EPHB1: variants seen among roughly 807,000 people sequenced by gnomAD.
EPHB1 encodes EPH receptor B1.
Under a neutral mutation model 94.4 loss-of-function variants are expected in EPHB1, and 30 were observed. The observed-to-expected ratio is 0.32, with a 90% CI of 0.24 to 0.43. The LOEUF (loss-of-function observed/expected upper bound fraction) is 0.43. EPHB1 is among the 20% of genes least tolerant of loss of function. The pLI, the probability that EPHB1 is intolerant of heterozygous loss-of-function variation, is 1.00. For missense variants in EPHB1, 1,055 were observed against 1,308.3 expected (o/e 0.81, Z 2.99); for synonymous variants, 522 against 489.1 (o/e 1.07, Z -0.89).
At chr3:135,125,819 T>TC (rs1253682226) in intron 4 of EPHB1, among the ~76,000 whole-genome samples, 1 of 152,136 alleles carries the variant, frequency 6.6e-6, no homozygotes, top group African/African-American at 2.4e-5. Flanking sequence ...CTGACTTTTT[T>TC]CCCTGCATAT....
chr3:135,256,421 C>G (rs552733017), intron 15 of EPHB1, among the ~76,000 whole-genome samples: 1 of 152,144 alleles, frequency 6.6e-6, no homozygotes, highest in Non-Finnish European at 1.5e-5. Flanking sequence ...CTGGTGGTGA[C>G]AAAATCTCTC....
chr3:134,938,497 G>C (rs1381655270), intron 2 of EPHB1, among the ~76,000 whole-genome samples: 1 of 152,218 alleles, frequency 6.6e-6, no homozygotes, highest in African/African-American at 2.4e-5. Flanking sequence ...ATACCCAAGG[G>C]AGGGCCATGG....
At chr3:134,899,416 T>G (rs953501029) in intron 1 of EPHB1, among the ~76,000 whole-genome samples, 2 of 152,190 alleles carry the variant, frequency 1.3e-5, no homozygotes, top group African/African-American at 4.8e-5. Context: ...AGATCTTGCA[T>G]GCTTCAGTGC....
chr3:134,913,517 CT>C (rs1302552727), intron 1 of EPHB1, among the ~76,000 whole-genome samples: 1 of 152,192 alleles, frequency 6.6e-6, no homozygotes, highest in East Asian at 1.9e-4. Flanking sequence ...AATACAGCGG[CT>C]TTCTCACCCC....
intron 10 of EPHB1, among the ~76,000 whole-genome samples, chr3:135,186,841 T>C (rs761234086): frequency 2.0e-5 from 3 of 152,168 alleles, no homozygotes; most frequent in South Asian, 2.1e-4. Context: ...TCAGCAGCTA[T>C]CTGGGATGAA....
rs190530419 is a variant in EPHB1, at chr3:135,035,911, G to A, written c.806-70537G>A. On this transcript the variant is annotated intron_variant, in intron 3 of 15. Transcript: ENST00000398015. ...GGGTAGTTGGCTCATGGGATTTGCC[G>A]AAGCATCTGGTCTAGCCAGGTCCCC... 1.8e-4 allele frequency among the ~76,000 whole-genome samples: 28 copies of A among 152,292 alleles called. 1 individual carries two copies. In the South Asian group the frequency reaches 4.8e-3, roughly 26 times the overall value.
chr3:135,158,053 G>A (rs1048890443), intron 6 of EPHB1, among the ~76,000 whole-genome samples: 2 of 152,158 alleles, frequency 1.3e-5, no homozygotes, highest in African/African-American at 2.4e-5. Flanking sequence ...AAGCACCTCC[G>A]ATGCTGAGGA....
At chr3:134,916,503 C>G (rs972028106) in intron 1 of EPHB1, among the ~76,000 whole-genome samples, 2 of 152,214 alleles carry the variant, frequency 1.3e-5, no homozygotes, top group African/African-American at 4.8e-5. Context: ...CGAGCCTTGC[C>G]CCGTGCAGAG....
intron 2 of EPHB1, among the ~76,000 whole-genome samples, chr3:134,938,677 A>G (rs1196383156): frequency 6.6e-6 from 1 of 152,202 alleles, no homozygotes; most frequent in African/African-American, 2.4e-5. Flanking sequence ...AGAGAGGCTA[A>G]GTGTGTGTCC....
chr3:134,795,665 G>T lies in EPHB1; in HGVS notation c.34G>T (p.Ala12Ser), dbSNP rs372758942. ...GGATTATCTACTACTGCTCCTCCTG[G>T]CATCCGCAGTGGCTGCGATGGAAGG... Reference protein sequence around the residue: ...ALDYLLLLLLASAVAAMEETL... With the variant: ...ALDYLLLLLLSSAVAAMEETL... The change falls in exon 1 of 16, where the codon GCA (alanine) becomes TCA (serine). Residue 12 changes from alanine to serine, a missense_variant. Ala to Ser is a moderately conservative substitution (Grantham distance 99). Transcript: ENST00000398015. The T allele has an allele frequency of 1.2e-5, 20 of 1,609,566 alleles. No homozygotes were observed. Among genetic ancestry groups the T allele is most frequent in the Non-Finnish European group, 1.7e-5 (20 of 1,178,300 alleles).
intron 10 of EPHB1, among the ~76,000 whole-genome samples, chr3:135,185,600 T>C (rs80252463): frequency 0.014 from 2,138 of 152,324 alleles, 73 homozygotes; most frequent in East Asian, 0.078. Context: ...ATTCAGAGGA[T>C]AGCTTGCCGA....
intron 1 of EPHB1, among the ~76,000 whole-genome samples, chr3:134,889,785 C>A (rs2037936575): frequency 6.6e-6 from 1 of 151,896 alleles, no homozygotes; most frequent in Non-Finnish European, 1.5e-5. Flanking sequence ...TCATGCCATT[C>A]TCCTTCCTCA....
At chr3:134,920,433 C>T (rs2038660904) in intron 1 of EPHB1, among the ~76,000 whole-genome samples, 1 of 152,170 alleles carries the variant, frequency 6.6e-6, no homozygotes, top group Non-Finnish European at 1.5e-5. Flanking sequence ...GAGAATAACA[C>T]AGGGAAATGA....
At chr3:135,250,678 A>C (rs1188415413) in intron 15 of EPHB1, among the ~76,000 whole-genome samples, 52 of 151,984 alleles carry the variant, frequency 3.4e-4, no homozygotes, top group Non-Finnish European at 1.5e-4. Context: ...AGATAATCCT[A>C]CCTTGGAAAT....
chr3:134,826,493 G>A (rs1028734317), intron 1 of EPHB1, among the ~76,000 whole-genome samples: 2 of 151,910 alleles, frequency 1.3e-5, no homozygotes, highest in Non-Finnish European at 2.9e-5. Flanking sequence ...GCCTTCTCTG[G>A]TTGTGAATAA....
At chr3:134,893,325 C>T (rs1400196821) in intron 1 of EPHB1, among the ~76,000 whole-genome samples, 2 of 152,192 alleles carry the variant, frequency 1.3e-5, no homozygotes, top group African/African-American at 4.8e-5. Context: ...TCACGGGTCG[C>T]TCTGCCTGGA....
chr3:134,877,473 C>T (rs1290438117), intron 1 of EPHB1, among the ~76,000 whole-genome samples: 2 of 152,126 alleles, frequency 1.3e-5, no homozygotes, highest in African/African-American at 4.8e-5. Flanking sequence ...ACCCTCAGGC[C>T]TCCATATTCA....
intron 3 of EPHB1, among the ~76,000 whole-genome samples, chr3:135,050,349 G>C (rs981366793): frequency 2.0e-5 from 3 of 152,116 alleles, no homozygotes; most frequent in Admixed American, 6.5e-5. Flanking sequence ...CAAATGGTAA[G>C]GACATAATGT....
intron 10 of EPHB1, among the ~76,000 whole-genome samples, chr3:135,186,135 A>G (rs1298446503): frequency 6.6e-6 from 1 of 152,252 alleles, no homozygotes; most frequent in Non-Finnish European, 1.5e-5. Flanking sequence ...ATACACTCAT[A>G]TGTGATATAT....
Sources: gnomAD v4.1 joint callset for allele counts (sites outside exome capture counted in the v4.1 genomes callset) on GRCh38, gnomAD v4.1.1 for gene constraint, MANE v1.5 for transcripts, NCBI Gene and HGNC (gene_info 2026-07-23, HGNC 2026-07-21) for gene names.